The following ZNF717 variants were observed in gnomAD, a reference collection of about 807,000 sequenced individuals.
ZNF717 encodes zinc finger protein 717.
ZNF717 carries 9 observed loss-of-function variants against 13.8 expected under a neutral mutation model. The observed-to-expected ratio is 0.65, with a 90% confidence interval of 0.39 to 1.14. The LOEUF (loss-of-function observed/expected upper bound fraction) is 1.14, where lower values mean the gene tolerates loss of function less well. Among genes scored for constraint, ZNF717 ranks in the 50% most tolerant of loss-of-function variants. The pLI, the probability that ZNF717 is intolerant of heterozygous loss-of-function variation, is 0.01. For synonymous variants in ZNF717, 327 were observed against 364.1 expected (o/e 0.90, Z 1.16); for missense variants, 1,040 against 1,080.7 (o/e 0.96, Z 0.53).
chr3:75,696,472 G>A, intron 6 of ZNF717, among the ~76,000 whole-genome samples: 1 of 152,426 alleles, frequency 6.6e-6, no homozygotes, highest in South Asian at 2.1e-4. Context: ...GCAAAAATTT[G>A]CAAAAAACCT....
intron 2 of ZNF717, among the ~76,000 whole-genome samples, chr3:75,745,879 A>T (rs1575805088): frequency 1.3e-5 from 2 of 150,922 alleles, no homozygotes; most frequent in African/African-American, 4.8e-5. Context: ...ATTTATATAT[A>T]TTTTTTTATT....
rs368151123 is a variant in ZNF717, at chr3:75,746,108, G to A, written c.58-4372C>T. 5.3e-5 allele frequency among the ~76,000 whole-genome samples: 8 copies of A among 152,238 alleles called. No individual in the cohort carries two copies. The East Asian group carries it at 1.2e-3, about 22-fold the overall frequency. On this transcript the variant is annotated intron_variant, in intron 2 of 4. Coordinates refer to ENST00000652011, the MANE Select transcript of ZNF717 (RefSeq NM_001290208.3). ...TTCATTGTTCAATTCCGACCTATGAGTGAGAACATGTGGTGTTTGGTTTTT... is the reference window on the plus strand; with the variant it reads ...TTCATTGTTCAATTCCGACCTATGAATGAGAACATGTGGTGTTTGGTTTTT...
chr3:75,751,934 T>C (rs1941863117), intron 2 of ZNF717, among the ~76,000 whole-genome samples: 1 of 152,046 alleles, frequency 6.6e-6, no homozygotes, highest in Non-Finnish European at 1.5e-5. Context: ...GGGATGTGAA[T>C]GTTTGTCCCT....
At chr3:75,746,300 G>C (rs1307274209) in intron 2 of ZNF717, among the ~76,000 whole-genome samples, 1 of 152,096 alleles carries the variant, frequency 6.6e-6, no homozygotes. Flanking sequence ...ATTTCAGTTG[G>C]TTCCAAGTCT....
At chr3:75,774,449 C>T (rs997416221) in intron 2 of ZNF717, among the ~76,000 whole-genome samples, 1 of 151,856 alleles carries the variant, frequency 6.6e-6, no homozygotes, top group Non-Finnish European at 1.5e-5. Flanking sequence ...TACAGAGGCC[C>T]CTGAAACACC....
chr3:75,751,158 G>T (rs200214827), intron 2 of ZNF717, among the ~76,000 whole-genome samples: 1 of 151,820 alleles, frequency 6.6e-6, no homozygotes, highest in Non-Finnish European at 1.5e-5. Flanking sequence ...ACTGCTGCTG[G>T]TGTCTGAATG....
At chr3:75,714,941 C>A (rs1206057590) in intron 5 of ZNF717, among the ~76,000 whole-genome samples, 2 of 152,156 alleles carry the variant, frequency 1.3e-5, no homozygotes. Flanking sequence ...CATCTGACCA[C>A]ATATACACAC....
At position 75,779,329 on chromosome 3, in the gene ZNF717, C is replaced by A. The variant is rs182419864; in HGVS notation, c.57+3977G>T. Among the ~76,000 whole-genome samples, 49 of 143,388 alleles carry A rather than the reference C, an allele frequency of 3.4e-4. No individual in the cohort carries two copies. The East Asian group carries it at 9.8e-3, about 29-fold the overall frequency. 94.1% of individuals were successfully genotyped at this position (143,388 alleles called of 152,430 possible). On this transcript the variant is annotated intron_variant, in intron 2 of 4. Transcript: ENST00000652011. ...CAGAAACCTAAAACAATGGGAGTGACGTGCTAAAACTGGAACCCAAAACAA... is the reference window on the plus strand; with the variant it reads ...CAGAAACCTAAAACAATGGGAGTGAAGTGCTAAAACTGGAACCCAAAACAA...
intron 4 of ZNF717, among the ~76,000 whole-genome samples, chr3:75,719,069 G>A (rs1410884275): frequency 7.9e-5 from 12 of 152,232 alleles, no homozygotes; most frequent in African/African-American, 2.9e-4. Flanking sequence ...TGAGGCAGGA[G>A]GATCCTTTGA....
chr3:75,699,748 T>C (rs1937648383), intron 6 of ZNF717, among the ~76,000 whole-genome samples: 1 of 152,308 alleles, frequency 6.6e-6, no homozygotes, highest in Admixed American at 6.5e-5. Flanking sequence ...AATGTGAGAA[T>C]GGCCTAATAC....
intron 2 of ZNF717, among the ~76,000 whole-genome samples, chr3:75,772,845 T>C (rs1251689155): frequency 2.0e-5 from 3 of 152,258 alleles, no homozygotes; most frequent in African/African-American, 7.2e-5. Flanking sequence ...CAGGATTCAG[T>C]AACACTTGTG....
chr3:75,708,328 G>A (rs1201293330), downstream of ZNF717, among the ~76,000 whole-genome samples: 2 of 152,306 alleles, frequency 1.3e-5, no homozygotes, highest in Admixed American at 6.5e-5. Flanking sequence ...CTGTTCTGCA[G>A]CCACTGCTGC....
At chr3:75,702,064 C>T (rs1937707081) in intron 6 of ZNF717, among the ~76,000 whole-genome samples, 1 of 152,312 alleles carries the variant, frequency 6.6e-6, no homozygotes, top group African/African-American at 2.4e-5. Context: ...TTTGGATGTT[C>T]CTGATATAAC....
At chr3:75,778,765 G>GA (rs1368684297) in intron 2 of ZNF717, among the ~76,000 whole-genome samples, 1 of 135,386 alleles carries the variant, frequency 7.4e-6, no homozygotes, top group African/African-American at 3.1e-5. Context: ...CAATGGGAGT[G>GA]TCATGCTAAA....
In ZNF717 at chr3:75,741,327, G is replaced by C; in HGVS notation, c.226C>G (p.Gln76Glu). The C allele has an allele frequency of 6.6e-7, 1 of 1,514,478 alleles. No individual in the cohort carries two copies. Among genetic ancestry groups the C allele is most frequent in the Non-Finnish European group, 8.9e-7 (1 of 1,119,278 alleles). The allele number at this position is 1,514,478 out of a possible 1,614,324, so 93.8% of individuals were successfully genotyped here. ...TKPEMIFKLE[Q>E]GAEPWIVEET... ...TCTACTATCCATGGCTCTGCTCCTT[G>C]CTCTAGCTTGAAGATCATCTCAGGT... The change falls in exon 4 of 5, where the codon CAA becomes GAA. Residue 76 changes from glutamine to glutamate, a missense_variant. Around this residue, in one of 3 missense-constraint regions of ZNF717, gnomAD observed 123 missense variants for 177.8 expected, o/e 0.69. Coordinates refer to ENST00000652011, the MANE Select transcript of ZNF717 (RefSeq NM_001290208.3).
chr3:75,776,218 T>G (rs1944306628), intron 2 of ZNF717, among the ~76,000 whole-genome samples: 1 of 152,284 alleles, frequency 6.6e-6, no homozygotes, highest in Non-Finnish European at 1.5e-5. Flanking sequence ...TAACTCATCA[T>G]GGAAAAGAGA....
chr3:75,712,786 G>GT (rs74266983), intron 5 of ZNF717, among the ~76,000 whole-genome samples: 2 of 151,732 alleles, frequency 1.3e-5, no homozygotes, highest in East Asian at 1.9e-4. Flanking sequence ...ACATTTCACT[G>GT]TTTTTTTGCT....
chr3:75,764,178 C>T (rs115208292), intron 2 of ZNF717, among the ~76,000 whole-genome samples: 2,119 of 152,312 alleles, frequency 0.014, 24 homozygotes, highest in Non-Finnish European at 0.023. Context: ...CAAGCCTGCT[C>T]CATCCTCAAT....
At chr3:75,751,431 A>G (rs1333055203) in intron 2 of ZNF717, among the ~76,000 whole-genome samples, 269 of 149,916 alleles carry the variant, frequency 1.8e-3, no homozygotes, top group African/African-American at 6.0e-3. Context: ...GTAGTACTCA[A>G]GAACACTGCT....
Sources: gnomAD v4.1 joint callset for allele counts (sites outside exome capture counted in the v4.1 genomes callset) on GRCh38, gnomAD v4.1.1 for gene constraint, gnomAD v4.1.1 regional missense constraint, MANE v1.5 for transcripts, NCBI Gene and HGNC (gene_info 2026-07-23, HGNC 2026-07-21) for gene names.